The following SIK3 variants were observed in gnomAD, a reference collection of about 807,000 sequenced individuals.
SIK3 encodes serine/threonine-protein kinase SIK3.
A neutral mutation model predicts 144.2 loss-of-function variants in SIK3; 28 were observed. That is an observed-to-expected ratio of 0.19 (90% CI 0.14 to 0.27). The LOEUF (loss-of-function observed/expected upper bound fraction) is 0.27, where lower values mean the gene tolerates loss of function less well. Ranked by LOEUF, SIK3 falls within the 10% of genes least tolerant of loss-of-function variation. The pLI is 1.00. For synonymous variants in SIK3, 686 were observed against 676.3 expected (o/e 1.01, Z -0.22); for missense variants, 1,319 against 1,776.0 (o/e 0.74, Z 4.62).
chr11:116,915,341 A>G (rs1946577818), intron 4 of SIK3, among the ~76,000 whole-genome samples: 1 of 152,140 alleles, frequency 6.6e-6, no homozygotes, highest in Non-Finnish European at 1.5e-5. Context: ...TGAGATTATA[A>G]TACACAAAAC....
Position 117,098,338 on chromosome 11 carries a change from C to A in SIK3, c.78G>T (p.Leu26=). The A allele has an allele frequency of 8.7e-7, 1 of 1,152,726 alleles. No homozygotes were observed. The highest frequency in any genetic ancestry group is 1.1e-6 in the Non-Finnish European group (1 of 940,134). 71.4% of individuals were successfully genotyped at this position (1,152,726 alleles called of 1,614,324 possible). ...GGGACCCCGGCGCGGGCGGAGGCAG[C>A]AGGCGGCCCGCGGGCCCGGCTCCCC... ...GTGGAGPAGR[L]LPPPAPGSPA... is the part of the protein sequence containing the mutation. Residue 26 remains leucine, a synonymous_variant, in exon 1 of 25, where the codon CTG becomes CTT. Coordinates refer to ENST00000445177, the MANE Select transcript of SIK3 (RefSeq NM_001366686.3).
At chr11:116,897,140 C>T (rs2134772115) in intron 5 of SIK3, 53 bp downstream of exon 5, 2 of 1,576,404 alleles carry the variant, frequency 1.3e-6, no homozygotes, top group Non-Finnish European at 1.7e-6. Flanking sequence ...GAATAGCTGT[C>T]ATCAACCAAG....
intron 3 of SIK3, among the ~76,000 whole-genome samples, chr11:116,953,386 CT>C (rs1182953055): frequency 6.6e-6 from 1 of 152,050 alleles, no homozygotes. Context: ...GAAGTTTACC[CT>C]TTAACTCTAC....
intron 1 of SIK3, among the ~76,000 whole-genome samples, chr11:116,988,313 G>T (rs1950389719): frequency 6.6e-6 from 1 of 151,996 alleles, no homozygotes; most frequent in South Asian, 2.1e-4. Context: ...GTGAACCCGG[G>T]AGGCGGAGCT....
intron 4 of SIK3, among the ~76,000 whole-genome samples, chr11:116,917,400 C>T (rs1038929403): frequency 6.6e-6 from 1 of 152,146 alleles, no homozygotes; most frequent in Non-Finnish European, 1.5e-5. Context: ...TCTTCTAAAA[C>T]TTCTTAAACT....
intron 1 of SIK3, among the ~76,000 whole-genome samples, chr11:116,983,938 C>A (rs1205494011): frequency 6.6e-6 from 1 of 150,974 alleles, no homozygotes; most frequent in Non-Finnish European, 1.5e-5. Context: ...GTAGTCCCAG[C>A]TACTTGGGTG....
chr11:116,853,961 T>C (rs1942667481), intron 21 of SIK3, among the ~76,000 whole-genome samples: 1 of 152,242 alleles, frequency 6.6e-6, no homozygotes, highest in Non-Finnish European at 1.5e-5. Flanking sequence ...TGCTGCCTGC[T>C]TAGTGCTCTC....
chr11:116,960,134 T>G (rs1200576786), intron 1 of SIK3, among the ~76,000 whole-genome samples: 1 of 152,184 alleles, frequency 6.6e-6, no homozygotes, highest in African/African-American at 2.4e-5. Flanking sequence ...GAATATAATC[T>G]GTTCTTAGAA....
intron 7 of SIK3, among the ~76,000 whole-genome samples, chr11:116,876,663 G>A (rs1257596845): frequency 2.6e-5 from 4 of 152,212 alleles, no homozygotes; most frequent in Non-Finnish European, 5.9e-5. Flanking sequence ...TAGGTAAGCT[G>A]CAGAACTGCA....
intron 1 of SIK3, among the ~76,000 whole-genome samples, chr11:117,060,451 G>C (rs746686832): frequency 9.9e-5 from 15 of 152,228 alleles, no homozygotes; most frequent in Non-Finnish European, 2.1e-4. Flanking sequence ...ATAAAAATTA[G>C]CCAGGCGTGG....
intron 12 of SIK3, 41 bp from the exon 13 acceptor site, chr11:116,873,677 G>A (rs1184693543): frequency 2.6e-6 from 4 of 1,520,468 alleles, no homozygotes; most frequent in Non-Finnish European, 3.5e-6. Context: ...ATGAGATGAG[G>A]GGAAGGCGGG....
intron 6 of SIK3, among the ~76,000 whole-genome samples, chr11:116,887,324 T>C (rs985307277): frequency 6.7e-6 from 1 of 149,198 alleles, no homozygotes; most frequent in Non-Finnish European, 1.5e-5. Flanking sequence ...AATAATATAA[T>C]ACAAGAGTCT....
At chr11:117,075,716 T>G (rs1249030069) in intron 1 of SIK3, among the ~76,000 whole-genome samples, 1 of 151,346 alleles carries the variant, frequency 6.6e-6, no homozygotes, top group Non-Finnish European at 1.5e-5. Context: ...TAATTTTTTT[T>G]TTATTTTTAG....
chr11:116,966,009 A>G (rs532769160), intron 1 of SIK3, among the ~76,000 whole-genome samples: 73 of 151,784 alleles, frequency 4.8e-4, no homozygotes, highest in African/African-American at 1.6e-3. Flanking sequence ...AACACTCTGA[A>G]TAGAGAGAAA....
At chr11:117,039,435 C>G (rs779518786) in intron 1 of SIK3, among the ~76,000 whole-genome samples, 12 of 152,108 alleles carry the variant, frequency 7.9e-5, no homozygotes, top group Non-Finnish European at 1.8e-4. Context: ...CAGAACAAAC[C>G]CTACAATTAA....
intron 6 of SIK3, among the ~76,000 whole-genome samples, chr11:116,886,770 G>C (rs993756706): frequency 1.3e-5 from 2 of 152,130 alleles, no homozygotes; most frequent in African/African-American, 4.8e-5. Flanking sequence ...TATATTGAAT[G>C]AATCTGGTGC....
At chr11:116,952,119 A>G (rs1257967070) in intron 3 of SIK3, among the ~76,000 whole-genome samples, 1 of 152,134 alleles carries the variant, frequency 6.6e-6, no homozygotes, top group Non-Finnish European at 1.5e-5. Context: ...ATGTCGTTCT[A>G]TGAAATAAAA....
At chr11:116,959,809 G>T (rs1485610486) in intron 1 of SIK3, among the ~76,000 whole-genome samples, 1 of 152,078 alleles carries the variant, frequency 6.6e-6, no homozygotes, top group African/African-American at 2.4e-5. Context: ...ACTTATAATG[G>T]GTTTATTGGG....
chr11:117,052,162 G>A (rs1200329851), intron 1 of SIK3, among the ~76,000 whole-genome samples: 1 of 152,010 alleles, frequency 6.6e-6, no homozygotes. Flanking sequence ...AAAAAGAAAG[G>A]AAAGAAATCT....
Sources: allele counts gnomAD v4.1 joint callset (sites outside exome capture counted in the v4.1 genomes callset), GRCh38; gene constraint gnomAD v4.1.1; transcripts MANE v1.5; gene names NCBI Gene and HGNC (gene_info 2026-07-23, HGNC 2026-07-21).